Variants in ITFG1 observed in about 807,000 individuals in gnomAD.
ITFG1 encodes T-cell immunomodulatory protein.
Under a neutral mutation model 81.8 loss-of-function variants are expected in ITFG1, and 34 were observed. The ratio of observed to expected loss-of-function variants is 0.42; its 90% CI spans 0.32 to 0.55. The LOEUF is 0.55. Among genes scored for constraint, ITFG1 ranks in the 20% least tolerant of loss-of-function variants. The pLI is 0.17. For missense variants in ITFG1, 672 were observed against 755.4 expected (o/e 0.89, Z 1.29); for synonymous variants, 285 against 270.6 (o/e 1.05, Z -0.52).
intron 14 of ITFG1, among the ~76,000 whole-genome samples, chr16:47,199,679 G>A (rs976919793): frequency 2.6e-5 from 4 of 152,232 alleles, no homozygotes; most frequent in Middle Eastern, 3.4e-3. Context: ...CCCATGGACC[G>A]GGGGTGGGGG....
In ITFG1 at chr16:47,232,892, C is replaced by T. The variant is rs957339004; in HGVS notation, c.1374+5073G>A. Among the ~76,000 whole-genome samples the T allele has an allele frequency of 3.9e-5, 6 of 152,018 alleles. No homozygotes were observed. The East Asian group carries it at 7.7e-4, about 20-fold the overall frequency. ...CTGGGCTCAAGAGATCCTCCTGCCTCGACCTCCCAAAGTGCTGGGGTTACA... is the reference window on the plus strand; with the variant it reads ...CTGGGCTCAAGAGATCCTCCTGCCTTGACCTCCCAAAGTGCTGGGGTTACA... On this transcript the variant is annotated intron_variant, in intron 13 of 17. Transcript: ENST00000320640.
chr16:47,436,180 T>C (rs991131475), intron 5 of ITFG1, among the ~76,000 whole-genome samples: 6 of 152,134 alleles, frequency 3.9e-5, no homozygotes, highest in Admixed American at 1.3e-4. Context: ...GGGATAATTC[T>C]CCAAACAAAA....
intron 6 of ITFG1, among the ~76,000 whole-genome samples, chr16:47,410,085 C>A (rs907412168): frequency 1.4e-4 from 22 of 152,042 alleles, no homozygotes; most frequent in African/African-American, 4.6e-4. Flanking sequence ...ACAAGCCTGG[C>A]CAACATAGTG....
intron 10 of ITFG1, among the ~76,000 whole-genome samples, chr16:47,287,574 AT>A (rs943972373): frequency 2.7e-5 from 4 of 150,786 alleles, no homozygotes; most frequent in African/African-American, 7.3e-5. Flanking sequence ...CTATTATAAA[AT>A]TTTTTTTTGT....
At chr16:47,440,774 G>T (rs1413227799) in intron 5 of ITFG1, among the ~76,000 whole-genome samples, 1 of 152,110 alleles carries the variant, frequency 6.6e-6, no homozygotes, top group East Asian at 1.9e-4. Context: ...ACAATTAAAA[G>T]AACTAGAGAA....
At chr16:47,282,257 C>T (rs1043747950) in intron 10 of ITFG1, among the ~76,000 whole-genome samples, 4 of 151,956 alleles carry the variant, frequency 2.6e-5, no homozygotes, top group East Asian at 1.9e-4. Context: ...CCTTACACCC[C>T]CTCAGCCTTG....
At chr16:47,425,199 G>A (rs1969003783) in intron 6 of ITFG1, among the ~76,000 whole-genome samples, 1 of 152,202 alleles carries the variant, frequency 6.6e-6, no homozygotes, top group Non-Finnish European at 1.5e-5. Context: ...GTTGATCTCA[G>A]ACTGCTGCGC....
chr16:47,245,178 C>G (rs1005065937), intron 12 of ITFG1, among the ~76,000 whole-genome samples: 1 of 152,056 alleles, frequency 6.6e-6, no homozygotes, highest in Non-Finnish European at 1.5e-5. Flanking sequence ...GAAACCCCGT[C>G]TCTACTAAAA....
intron 12 of ITFG1, among the ~76,000 whole-genome samples, chr16:47,238,801 TTTC>T (rs1428434805): frequency 3.3e-5 from 5 of 151,524 alleles, no homozygotes; most frequent in Middle Eastern, 3.4e-3. Flanking sequence ...AAGAAAATGG[TTTC>T]TTTTGTTTGT....
chr16:47,183,749 C>T (rs1455921056), intron 14 of ITFG1, among the ~76,000 whole-genome samples: 6 of 152,218 alleles, frequency 3.9e-5, no homozygotes, highest in Non-Finnish European at 5.9e-5. Context: ...TCCAAAGGAA[C>T]GCAGTTCCTC....
chr16:47,344,924 T>C (rs1241194797), intron 8 of ITFG1, among the ~76,000 whole-genome samples: 1 of 152,240 alleles, frequency 6.6e-6, no homozygotes, highest in Non-Finnish European at 1.5e-5. Context: ...GACTGAATAG[T>C]ACTCTACTGT....
intron 8 of ITFG1, among the ~76,000 whole-genome samples, chr16:47,363,735 C>T (rs905769906): frequency 6.6e-6 from 1 of 152,152 alleles, no homozygotes; most frequent in Non-Finnish European, 1.5e-5. Flanking sequence ...ATTCTAGCCA[C>T]ATAACAAAAT....
At chr16:47,395,041 T>C (rs1968577621) in intron 6 of ITFG1, among the ~76,000 whole-genome samples, 1 of 152,182 alleles carries the variant, frequency 6.6e-6, no homozygotes, top group Non-Finnish European at 1.5e-5. Context: ...CTAAGAGAAA[T>C]GTGAACATCT....
chr16:47,251,636 C>T (rs1389341048), intron 12 of ITFG1, among the ~76,000 whole-genome samples: 3 of 152,248 alleles, frequency 2.0e-5, no homozygotes, highest in African/African-American at 7.2e-5. Flanking sequence ...GTAGCCCCCA[C>T]TTATCCAAAG....
chr16:47,322,325 G>C (rs551640326), intron 8 of ITFG1, among the ~76,000 whole-genome samples: 1 of 152,278 alleles, frequency 6.6e-6, no homozygotes, highest in East Asian at 1.9e-4. Context: ...ATAAGTTTTT[G>C]TAAAAACAAT....
intron 8 of ITFG1, among the ~76,000 whole-genome samples, chr16:47,330,031 G>A (rs770508270): frequency 3.3e-5 from 5 of 151,970 alleles, no homozygotes; most frequent in Non-Finnish European, 7.4e-5. Flanking sequence ...TTCTTCTGGA[G>A]AACATAAATG....
intron 6 of ITFG1, among the ~76,000 whole-genome samples, chr16:47,426,598 C>T (rs1343327709): frequency 6.7e-6 from 1 of 149,524 alleles, no homozygotes. Flanking sequence ...CAAAACATAC[C>T]AAGCATATTG....
intron 6 of ITFG1, among the ~76,000 whole-genome samples, chr16:47,408,946 C>T (rs1968764286): frequency 6.6e-6 from 1 of 151,922 alleles, no homozygotes; most frequent in African/African-American, 2.4e-5. Flanking sequence ...CATATGAATA[C>T]AAACACATAT....
At chr16:47,298,692 G>A (rs533595109) in intron 10 of ITFG1, among the ~76,000 whole-genome samples, 1 of 152,276 alleles carries the variant, frequency 6.6e-6, no homozygotes, top group Admixed American at 6.5e-5. Context: ...GGGTGATGGT[G>A]GATGCAGAGG....
Sources: allele counts gnomAD v4.1 joint callset (sites outside exome capture counted in the v4.1 genomes callset), GRCh38; gene constraint gnomAD v4.1.1; transcripts MANE v1.5; gene names NCBI Gene and HGNC (gene_info 2026-07-23, HGNC 2026-07-21).